CPEB1: variants seen among roughly 807,000 people sequenced by gnomAD.
The protein encoded by CPEB1 is cytoplasmic polyadenylation element-binding protein 1.
CPEB1 carries 7 observed loss-of-function variants against 65.8 expected under a neutral mutation model. The ratio of observed to expected loss-of-function variants is 0.11; its 90% confidence interval spans 0.06 to 0.20. The LOEUF is 0.20. Ranked by LOEUF, CPEB1 falls within the 10% of genes least tolerant of loss-of-function variation. The pLI, the probability that CPEB1 is intolerant of heterozygous loss-of-function variation, is 1.00. For synonymous variants in CPEB1, 262 were observed against 260.0 expected (o/e 1.01, Z -0.08); for missense variants, 551 against 712.2 (o/e 0.77, Z 2.58).
chr15:82,586,144 T>C (rs995227469), intron 3 of CPEB1, among the ~76,000 whole-genome samples: 8 of 151,608 alleles, frequency 5.3e-5, no homozygotes, highest in Non-Finnish European at 1.0e-4. Context: ...GAACAGTAGT[T>C]AGAATTTCCT....
At chr15:82,631,876 G>C (rs1243331150) in intron 1 of CPEB1, among the ~76,000 whole-genome samples, 1 of 150,430 alleles carries the variant, frequency 6.6e-6, no homozygotes, top group Non-Finnish European at 1.5e-5. Flanking sequence ...AAGTGTTTCA[G>C]ATTTGGATTT....
intron 3 of CPEB1, among the ~76,000 whole-genome samples, chr15:82,590,209 C>CAAAAAA (rs5814120): frequency 3.8e-5 from 4 of 104,152 alleles, no homozygotes; most frequent in Admixed American, 1.1e-4. Context: ...ATCCCTTTGA[C>CAAAAAA]AAAAAAAAAA....
chr15:82,634,263 T>C (rs981119953), intron 1 of CPEB1, among the ~76,000 whole-genome samples: 3 of 152,060 alleles, frequency 2.0e-5, no homozygotes, highest in Non-Finnish European at 2.9e-5. Context: ...ACTTTGTAGA[T>C]ATGTTTGCTA....
chr15:82,645,199 G>A (rs1596152196), intron 1 of CPEB1, among the ~76,000 whole-genome samples: 1 of 152,322 alleles, frequency 6.6e-6, no homozygotes, highest in East Asian at 1.9e-4. Flanking sequence ...TGTCGTTCAG[G>A]CTGGAGTGCA....
At chr15:82,600,975 G>A (rs146378779) in intron 3 of CPEB1, among the ~76,000 whole-genome samples, 3 of 130,024 alleles carry the variant, frequency 2.3e-5, no homozygotes, top group Admixed American at 9.4e-5. Context: ...CGCAACCTCC[G>A]CTCACTGCAA....
intron 1 of CPEB1, chr15:82,630,115 C>T (rs865810580): frequency 3.0e-6 from 3 of 985,410 alleles, no homozygotes; most frequent in Middle Eastern, 5.2e-4. Flanking sequence ...GATTTATAAC[C>T]TGCAGAGAGG....
At chr15:82,583,763 C>G (rs748753967) in intron 3 of CPEB1, among the ~76,000 whole-genome samples, 2 of 152,070 alleles carry the variant, frequency 1.3e-5, no homozygotes, top group African/African-American at 4.8e-5. Context: ...TATCATGAAC[C>G]ATTTGGCAGT....
At chr15:82,572,035 C>T (rs182146226) in intron 3 of CPEB1, 1 of 177,494 alleles carries the variant, frequency 5.6e-6, no homozygotes, top group Non-Finnish European at 1.1e-5. Context: ...CTGAAGTCCT[C>T]TCCGCCGACA....
chr15:82,579,914 G>A (rs1289675571), intron 3 of CPEB1, among the ~76,000 whole-genome samples: 3 of 58,862 alleles, frequency 5.1e-5, no homozygotes, highest in South Asian at 8.1e-4. Context: ...GTGAGACTCC[G>A]TCTCAAAAAA....
intron 3 of CPEB1, among the ~76,000 whole-genome samples, chr15:82,575,169 T>C (rs1157944224): frequency 6.6e-6 from 1 of 152,220 alleles, no homozygotes; most frequent in East Asian, 1.9e-4. Context: ...CCAACCTAAG[T>C]CTGGGGCCAT....
Position 82,641,740 on chromosome 15 carries a change from C to T in CPEB1, c.-98+5397G>A, listed in dbSNP as rs1173460525. 4 of 150,992 alleles carry T rather than the reference C, an allele frequency of 2.6e-5. No homozygotes were observed. The South Asian group carries it at 6.3e-4, about 24-fold the overall frequency. The allele number at this position is 150,992 out of a possible 1,614,324, so 9.4% of individuals were successfully genotyped here. Reference sequence around the variant, plus strand: ...ACTATAATTTAAAAGGACTGTTCCACCATTCAAGAATACAAAAAAAAAAAA... The same window carrying T: ...ACTATAATTTAAAAGGACTGTTCCATCATTCAAGAATACAAAAAAAAAAAA... On this transcript the variant is annotated intron_variant, in intron 1 of 12. Coordinates refer to ENST00000684509, the MANE Select transcript of CPEB1 (RefSeq NM_001365242.1).
At chr15:82,605,008 C>T (rs1379302759) in intron 3 of CPEB1, among the ~76,000 whole-genome samples, 1 of 152,146 alleles carries the variant, frequency 6.6e-6, no homozygotes, top group East Asian at 1.9e-4. Context: ...AAGCAATCAT[C>T]ATATATGACA....
chr15:82,554,473 G>T (rs768945907), intron 6 of CPEB1, among the ~76,000 whole-genome samples: 2 of 152,196 alleles, frequency 1.3e-5, no homozygotes, highest in African/African-American at 4.8e-5. Context: ...ATGAATCACA[G>T]AAGTTAGGAC....
intron 5 of CPEB1, 165 bp downstream of exon 5, chr15:82,557,595 T>G: frequency 4.8e-6 from 3 of 621,284 alleles, no homozygotes; most frequent in East Asian, 2.8e-5. Context: ...CTGTTAAGGA[T>G]GAGAACTCTA....
At chr15:82,604,665 T>G (rs1282507773) in intron 3 of CPEB1, among the ~76,000 whole-genome samples, 1 of 151,846 alleles carries the variant, frequency 6.6e-6, no homozygotes, top group Non-Finnish European at 1.5e-5. Context: ...CTACAGGGGC[T>G]CAACAGCAGA....
intron 3 of CPEB1, among the ~76,000 whole-genome samples, chr15:82,573,974 T>C (rs2075236734): frequency 6.6e-6 from 1 of 152,018 alleles, no homozygotes; most frequent in Non-Finnish European, 1.5e-5. Flanking sequence ...TCTCAAAAGT[T>C]TGAACAGTAC....
intron 4 of CPEB1, among the ~76,000 whole-genome samples, chr15:82,566,767 C>T (rs755562214): frequency 1.1e-4 from 17 of 152,250 alleles, no homozygotes; most frequent in Admixed American, 6.5e-4. Context: ...TTCCCAGGTT[C>T]TCCCTCCTCT....
At chr15:82,586,623 T>C (rs1220482039) in intron 3 of CPEB1, among the ~76,000 whole-genome samples, 1 of 152,222 alleles carries the variant, frequency 6.6e-6, no homozygotes, top group African/African-American at 2.4e-5. Flanking sequence ...TCAATCAATC[T>C]GCATGAAAAT....
chr15:82,622,486 C>T (rs1418839856), intron 3 of CPEB1, among the ~76,000 whole-genome samples: 3 of 152,098 alleles, frequency 2.0e-5, no homozygotes, highest in Non-Finnish European at 2.9e-5. Flanking sequence ...CTGCAACCTC[C>T]GACTCCCCGG....
Sources: allele counts gnomAD v4.1 joint callset (sites outside exome capture counted in the v4.1 genomes callset), GRCh38; gene constraint gnomAD v4.1.1; transcripts MANE v1.5; gene names NCBI Gene and HGNC (gene_info 2026-07-23, HGNC 2026-07-21).